Variants in CHN1 observed in about 807,000 individuals in gnomAD.
The protein encoded by CHN1 is N-chimaerin.
CHN1 carries 37 observed loss-of-function variants against 59.5 expected under a neutral mutation model. The ratio of observed to expected loss-of-function variants is 0.62; its 90% CI spans 0.48 to 0.82. CHN1 has a LOEUF of 0.82. Ranked by LOEUF, CHN1 falls within the 40% of genes least tolerant of loss-of-function variation. The pLI, the probability that CHN1 is intolerant of heterozygous loss-of-function variation, is 0.00. For missense variants in CHN1, 469 were observed against 571.0 expected (o/e 0.82, Z 1.82); for synonymous variants, 206 against 200.4 (o/e 1.03, Z -0.24).
chr2:174,915,233 AC>A, intron 4 of CHN1, 62 bp from the exon 5 acceptor site: 1 of 1,199,592 alleles, frequency 8.3e-7, no homozygotes, highest in Non-Finnish European at 1.2e-6. Flanking sequence ...ACAAGATAAA[AC>A]AACGTCCCAC....
intron 1 of CHN1, among the ~76,000 whole-genome samples, chr2:174,975,655 C>CA (rs35826463): frequency 0.031 from 3,899 of 125,030 alleles, 133 homozygotes; most frequent in African/African-American, 0.095. Flanking sequence ...ACAAAACAAA[C>CA]AAAAAAAAAA....
chr2:174,886,717 A>C (rs1224131848), intron 5 of CHN1, among the ~76,000 whole-genome samples: 1 of 152,178 alleles, frequency 6.6e-6, no homozygotes, highest in East Asian at 1.9e-4. Flanking sequence ...GCAGGATGCT[A>C]CTATAAATGA....
chr2:174,846,957 A>G lies in CHN1; in HGVS notation c.550T>C (p.Leu184=), dbSNP rs1020357813. The G allele has an allele frequency of 2.6e-6, 4 of 1,553,630 alleles. No individual in the cohort carries two copies. The highest frequency in any genetic ancestry group is 3.5e-6 in the Non-Finnish European group (4 of 1,147,762). ...TGQDGVSEKR[L]TSLVRRATLK... Reference sequence around the variant, plus strand: ...GTTGCTCTTCTAACAAGTGATGTCAACTGCGAATAAGCAAAGAGTTTCAGA... The same window carrying G: ...GTTGCTCTTCTAACAAGTGATGTCAGCTGCGAATAAGCAAAGAGTTTCAGA... Residue 184 remains leucine, a splice_region_variant and synonymous_variant, in exon 7 of 13, where the codon TTG becomes CTG. Transcript: ENST00000409900.
intron 8 of CHN1, among the ~76,000 whole-genome samples, chr2:174,813,440 A>G (rs960800579): frequency 1.2e-4 from 18 of 152,222 alleles, no homozygotes; most frequent in African/African-American, 4.1e-4. Context: ...TTTAACACCT[A>G]GACACATACT....
At chr2:174,803,042 G>A (rs965735223) in intron 11 of CHN1, among the ~76,000 whole-genome samples, 3 of 151,942 alleles carry the variant, frequency 2.0e-5, no homozygotes, top group South Asian at 2.1e-4. Flanking sequence ...CCATCTTGGG[G>A]GGGAATTAAA....
intron 7 of CHN1, chr2:174,846,290 A>C (rs1686511512): frequency 6.5e-7 from 1 of 1,537,270 alleles, no homozygotes; most frequent in Non-Finnish European, 8.8e-7. Flanking sequence ...TTAACACAAT[A>C]ATTAAAAACT....
intron 7 of CHN1, among the ~76,000 whole-genome samples, chr2:174,836,655 C>T (rs1558945236): frequency 6.6e-6 from 1 of 152,126 alleles, no homozygotes; most frequent in African/African-American, 2.4e-5. Flanking sequence ...GCTTATTTTT[C>T]AGTACACAGA....
chr2:174,998,171 C>T lies in CHN1; in HGVS notation c.19+6723G>A, dbSNP rs554424278. The stretch of plus-strand genomic sequence containing the variant: ...CGCAAAAATTAGCCAGGCATTGTGG[C>T]ACATGCCTATGGTCCCAGCTACTCA... On this transcript the variant is annotated intron_variant, in intron 1 of 12. Coordinates refer to ENST00000409900, the MANE Select transcript of CHN1 (RefSeq NM_001822.7). Among the ~76,000 whole-genome samples the T allele has an allele frequency of 1.9e-4, 28 of 151,338 alleles. No homozygotes were observed. In the South Asian group the frequency reaches 5.7e-3, roughly 31 times the overall value.
chr2:174,998,533 A>G (rs191492719), intron 1 of CHN1, among the ~76,000 whole-genome samples: 2 of 152,262 alleles, frequency 1.3e-5, no homozygotes, highest in East Asian at 1.9e-4. Context: ...ATCCAAAGGA[A>G]TCGAAAGGTC....
At chr2:174,809,148 T>C in intron 10 of CHN1, 106 bp from the exon 11 acceptor site, 1 of 1,080,764 alleles carries the variant, frequency 9.3e-7, no homozygotes. Context: ...TTAGCAATTC[T>C]TCAGTTTTTA....
At chr2:174,936,221 T>C (rs1393797614) in intron 3 of CHN1, among the ~76,000 whole-genome samples, 3 of 152,146 alleles carry the variant, frequency 2.0e-5, no homozygotes, top group Non-Finnish European at 4.4e-5. Context: ...TTGAAAAATG[T>C]GTCACAGGGA....
chr2:174,940,880 A>C (rs564015831), intron 3 of CHN1, among the ~76,000 whole-genome samples: 1 of 152,338 alleles, frequency 6.6e-6, no homozygotes, highest in African/African-American at 2.4e-5. Flanking sequence ...ACATCCAATG[A>C]CTGATGATCC....
chr2:174,802,163 A>G (rs1057237208), intron 11 of CHN1: 6 of 251,390 alleles, frequency 2.4e-5, no homozygotes, highest in African/African-American at 1.3e-4. Flanking sequence ...TTATACATTC[A>G]AATGAAGTGA....
rs530991403 is a variant in CHN1, at chr2:174,967,543, T to TA, written c.20-15342dup. Among the ~76,000 whole-genome samples the TA allele has an allele frequency of 4.2e-3, 646 of 152,252 alleles. 2 individuals carry two copies. Among genetic ancestry groups the TA allele is most frequent in the Non-Finnish European group, 5.7e-3 (386 of 68,028 alleles). On this transcript the variant is annotated intron_variant, in intron 1 of 12. Transcript: ENST00000409900. ...TTCCATTTTTTCCAATTCAACAACTTAGACTTTTAACCATTCATAGCACTT... is the reference window on the plus strand; with the variant it reads ...TTCCATTTTTTCCAATTCAACAACTTAAGACTTTTAACCATTCATAGCACTT...
At chr2:174,831,894 AT>A (rs1310266306) in intron 7 of CHN1, among the ~76,000 whole-genome samples, 8 of 152,168 alleles carry the variant, frequency 5.3e-5, no homozygotes, top group Non-Finnish European at 8.8e-5. Context: ...TGTAGGTACA[AT>A]AGGAAAATAA....
At chr2:174,844,700 T>C (rs2105432570) in intron 7 of CHN1, among the ~76,000 whole-genome samples, 1 of 152,322 alleles carries the variant, frequency 6.6e-6, no homozygotes, top group South Asian at 2.1e-4. Flanking sequence ...TGGGATGTTC[T>C]TGGAAGTCAA....
chr2:174,901,938 T>G (rs879462460), intron 5 of CHN1, among the ~76,000 whole-genome samples: 9 of 152,108 alleles, frequency 5.9e-5, no homozygotes, highest in Non-Finnish European at 1.2e-4. Context: ...TCTCATATAT[T>G]TATCAACATG....
At chr2:174,848,997 A>T (rs529522279) in intron 6 of CHN1, among the ~76,000 whole-genome samples, 9 of 152,320 alleles carry the variant, frequency 5.9e-5, no homozygotes, top group Admixed American at 1.3e-4. Flanking sequence ...TGTACAGCCT[A>T]AAGTGAAGTT....
rs566717943 is a variant in CHN1 at position 175,001,997 on chromosome 2, A to C, written c.19+2897T>G. Among the ~76,000 whole-genome samples the C allele has an allele frequency of 5.3e-5, 8 of 152,348 alleles. No individual in the cohort carries two copies. In the South Asian group the frequency reaches 1.2e-3, roughly 24 times the overall value. ...CGGAATTAGTTAATAGTTAAGTGCC[A>C]CTCACTATACGGAATTAGGTAATTA... On this transcript the variant is annotated intron_variant, in intron 1 of 12. Transcript: ENST00000409900.
Sources: gnomAD v4.1 joint callset for allele counts (sites outside exome capture counted in the v4.1 genomes callset) on GRCh38, gnomAD v4.1.1 for gene constraint, MANE v1.5 for transcripts, NCBI Gene and HGNC (gene_info 2026-07-23, HGNC 2026-07-21) for gene names.